Variants in DNMT3L observed in about 807,000 individuals in gnomAD.
DNMT3L encodes DNA (cytosine-5)-methyltransferase 3-like.
In DNMT3L, 33 loss-of-function variants were observed where a neutral mutation model predicts 36.2. The ratio of observed to expected loss-of-function variants is 0.91; its 90% confidence interval spans 0.69 to 1.22. DNMT3L has a LOEUF of 1.22. Ranked by LOEUF, DNMT3L falls within the 50% of genes most tolerant of loss-of-function variation. The pLI is 0.00. For missense variants in DNMT3L, 310 were observed against 303.1 expected, an observed-to-expected ratio of 1.02 and a Z score of -0.17; for synonymous variants, 117 against 121.7, an observed-to-expected ratio of 0.96 and a Z score of 0.26.
chr21:44,260,989 G>T, intron 2 of DNMT3L, 150 bp from the exon 3 acceptor site: 1 of 1,416,456 alleles, frequency 7.1e-7, no homozygotes, highest in Non-Finnish European at 9.8e-7. Context: ...ATCTTGGTGT[G>T]TTAAACGCCC....
chr21:44,259,509 C>G lies in DNMT3L; in HGVS notation c.272G>C (p.Gly91Ala), dbSNP rs983816974. 2 of 1,613,590 alleles carry G rather than the reference C, an allele frequency of 1.2e-6. No individual in the cohort carries two copies. The highest frequency in any genetic ancestry group is 2.7e-5 in the African/African-American group (2 of 74,910). ...GCAGATGGAGCAGTAGGATTGGTAC[C>G]CGTCATCGTCGTACAGGAAGAGGGC... ...LDALFLYDDD[G>A]YQSYCSICCS... Residue 91 changes from glycine (G) to alanine (A), a missense_variant, in exon 5 of 12, where the codon GGG (glycine) becomes GCG (alanine). By Grantham distance (60) the Gly-to-Ala change is moderately conservative. Coordinates refer to ENST00000628202, the MANE Select transcript of DNMT3L (RefSeq NM_175867.3).
Position 44,258,787 on chromosome 21 carries a change from G to C in DNMT3L, c.345-93C>G. The C allele has an allele frequency of 6.7e-7, 1 of 1,496,942 alleles. No homozygotes were observed. The highest frequency in any genetic ancestry group is 2.2e-5 in the Admixed American group (1 of 45,352). The allele number at this position is 1,496,942 out of a possible 1,614,324, so 92.7% of individuals were successfully genotyped here. A position where few individuals can be genotyped will look rare whatever the true frequency, so the allele number is the denominator to read the frequency against. On this transcript the variant is annotated intron_variant, in intron 5 of 11. Coordinates refer to ENST00000628202, the MANE Select transcript of DNMT3L (RefSeq NM_175867.3). The surrounding 1 kb of genome is among the most constrained non-coding windows in gnomAD (Gnocchi z 6.2). Reference sequence around the variant, plus strand: ...GGCCTGATTGAGCCTTGTTTTGGAGGGAAAAGTCACGCTGGAGCTCCCTTT... The same window carrying C: ...GGCCTGATTGAGCCTTGTTTTGGAGCGAAAAGTCACGCTGGAGCTCCCTTT...
At position 44,258,774 on chromosome 21, in the gene DNMT3L, C is replaced by T. The variant is rs755986386; in HGVS notation, c.345-80G>A. 3.5e-4 allele frequency: 528 copies of T among 1,529,666 alleles called. No individual in the cohort carries two copies. The highest frequency in any genetic ancestry group is 4.6e-4 in the Non-Finnish European group (521 of 1,135,964). 94.8% of individuals were successfully genotyped at this position (1,529,666 alleles called of 1,614,324 possible). On this transcript the variant is annotated intron_variant, in intron 5 of 11. Transcript: ENST00000628202. The surrounding 1 kb of genome is among the most constrained non-coding windows in gnomAD (Gnocchi z 6.2). ...GATGGCAGAGGTGGGCCTGATTGAG[C>T]CTTGTTTTGGAGGGAAAAGTCACGC...
intron 8 of DNMT3L, among the ~76,000 whole-genome samples, chr21:44,253,792 A>G (rs183790934): frequency 4.6e-5 from 7 of 152,328 alleles, no homozygotes; most frequent in Admixed American, 3.3e-4. Context: ...TGATAGCACC[A>G]GTCAACAATG....
chr21:44,253,924 A>C (rs2040238040), intron 8 of DNMT3L, among the ~76,000 whole-genome samples: 1 of 152,132 alleles, frequency 6.6e-6, no homozygotes, highest in Admixed American at 6.5e-5. Context: ...GGATAAACCT[A>C]ACTGTTGATG....
chr21:44,256,681 C>T (rs949345904), intron 6 of DNMT3L, among the ~76,000 whole-genome samples: 7 of 152,040 alleles, frequency 4.6e-5, no homozygotes, highest in African/African-American at 1.7e-4. Context: ...GAGAAGAGAG[C>T]CCCAAGGCCA....
At position 44,259,663 on chromosome 21, in the gene DNMT3L, A is replaced by G; in HGVS notation, c.200T>C (p.Leu67Pro). 1 of 1,613,168 alleles carries G rather than the reference A, an allele frequency of 6.2e-7. No homozygotes were observed. Among genetic ancestry groups the G allele is most frequent in the Non-Finnish European group, 8.5e-7 (1 of 1,179,790 alleles). ...TGGGGCGCAGATCCCTCCCTCAAAC[A>G]GAGGGTGCTGTGTGTGAACCTGGAG... ...GSLQVHTQHP[L>P]FEGGICAPCK... The change falls in exon 4 of 12, where the codon CTG (leucine) becomes CCG (proline). Residue 67 changes from leucine (L) to proline (P), a missense_variant. Coordinates refer to ENST00000628202, the MANE Select transcript of DNMT3L (RefSeq NM_175867.3).
In DNMT3L at chr21:44,261,204, A is replaced by G. The variant is rs2040315048; in HGVS notation, c.56T>C (p.Leu19Ser). The change falls in exon 2 of 12, where the codon TTG becomes TCG. Residue 19 changes from leucine (L) to serine (S), a missense_variant. Transcript: ENST00000628202. ...PEAEPSMDVILVGSSELSSSV... is the reference protein window; with the variant it reads ...PEAEPSMDVISVGSSELSSSV... ...GCTTGAGAGCTCACTGGATCCCACCAAAATCACGTCCATGCTGGGCTCGGC... is the reference window on the plus strand; with the variant it reads ...GCTTGAGAGCTCACTGGATCCCACCGAAATCACGTCCATGCTGGGCTCGGC... The G allele has an allele frequency of 2.5e-6, 4 of 1,612,572 alleles. No individual in the cohort carries two copies. The highest frequency in any genetic ancestry group is 2.7e-5 in the African/African-American group (2 of 74,934).
intron 2 of DNMT3L, 146 bp from the exon 3 acceptor site, chr21:44,260,985 G>A: frequency 7.0e-7 from 1 of 1,425,082 alleles, no homozygotes; most frequent in Non-Finnish European, 9.7e-7. Flanking sequence ...CCTTATCTTG[G>A]TGTGTTAAAC....
rs143402572 is a variant in DNMT3L at position 44,259,682 on chromosome 21, C to T, written c.181G>A (p.Val61Ile). 1.0e-4 allele frequency: 161 copies of T among 1,612,744 alleles called. No individual in the cohort carries two copies. The African/African-American group carries it at 1.9e-3, about 19-fold the overall frequency. Residue 61 changes from valine (V) to isoleucine (I), a missense_variant, in exon 4 of 12, where the codon GTT becomes ATT. Transcript: ENST00000628202. Reference sequence around the variant, plus strand: ...TCAAACAGAGGGTGCTGTGTGTGAACCTGGAGACTTCCGCAGCAGATGCAG... The same window carrying T: ...TCAAACAGAGGGTGCTGTGTGTGAATCTGGAGACTTCCGCAGCAGATGCAG... ...DICICCGSLQ[V>I]HTQHPLFEGG...
In DNMT3L at chr21:44,255,757, G is replaced by A. The variant is rs534517004; in HGVS notation, c.604+310C>T. On this transcript the variant is annotated intron_variant, in intron 7 of 11. Transcript: ENST00000628202. ...GATCGGCTGCATGGGGCAGATATGT[G>A]CTCCCGCATGAGGCCGCTCTGAGAC... Among the ~76,000 whole-genome samples the A allele has an allele frequency of 1.1e-4, 17 of 152,344 alleles. No homozygotes were observed. The East Asian group carries it at 3.3e-3, about 29-fold the overall frequency.
intron 4 of DNMT3L, 32 bp downstream of exon 4, chr21:44,259,600 A>G: frequency 6.2e-7 from 1 of 1,613,276 alleles, no homozygotes; most frequent in South Asian, 1.1e-5. Flanking sequence ...CTCTGAGGCC[A>G]TGAGGGAGTC....
intron 7 of DNMT3L, 24 bp from the exon 8 acceptor site, chr21:44,254,729 G>A: frequency 6.2e-7 from 1 of 1,613,056 alleles, no homozygotes; most frequent in Non-Finnish European, 8.5e-7. Context: ...GACCAGAAGG[G>A]CCCAGAGGGT....
chr21:44,261,407 C>A (rs184062852), intron 1 of DNMT3L, 141 bp from the exon 2 acceptor site: 1 of 718,386 alleles, frequency 1.4e-6, no homozygotes, highest in Non-Finnish European at 2.3e-6. Context: ...TGACACCCAC[C>A]TGCCCAACCC....
intron 7 of DNMT3L, among the ~76,000 whole-genome samples, chr21:44,255,110 G>A (rs1160047736): frequency 6.6e-6 from 1 of 152,094 alleles, no homozygotes; most frequent in Non-Finnish European, 1.5e-5. Flanking sequence ...TTACACGTGT[G>A]AGCCACTGCA....
At chr21:44,261,706 GGCA>G (rs1431789604) in intron 1 of DNMT3L, 31 bp downstream of exon 1, 4 of 163,644 alleles carry the variant, frequency 2.4e-5, no homozygotes, top group Admixed American at 1.8e-4. Context: ...CACCCTTGAA[GGCA>G]GCATGGTCAG....
chr21:44,259,849 G>T, intron 3 of DNMT3L, 138 bp from the exon 4 acceptor site: 1 of 907,134 alleles, frequency 1.1e-6, no homozygotes, highest in South Asian at 1.6e-5. Flanking sequence ...TGTTAAGGAA[G>T]ATGGAACAAA....
chr21:44,256,000 G>A, intron 7 of DNMT3L, 67 bp downstream of exon 7: 1 of 1,548,420 alleles, frequency 6.5e-7, no homozygotes, highest in Non-Finnish European at 8.9e-7. Context: ...CCGGGGGGTG[G>A]CCTGAGGGGC....
At chr21:44,253,937 A>G (rs566175948) in intron 8 of DNMT3L, among the ~76,000 whole-genome samples, 2 of 152,248 alleles carry the variant, frequency 1.3e-5, no homozygotes, top group Non-Finnish European at 2.9e-5. Flanking sequence ...TGTTGATGGC[A>G]GGTGCAACCT....
Sources: allele counts gnomAD v4.1 joint callset (sites outside exome capture counted in the v4.1 genomes callset), GRCh38; gene constraint gnomAD v4.1.1; non-coding constraint Gnocchi (gnomAD v3.1); transcripts MANE v1.5; gene names NCBI Gene and HGNC (gene_info 2026-07-23, HGNC 2026-07-21).